PTPRN2: variants seen among roughly 807,000 people sequenced by gnomAD.
The protein encoded by PTPRN2 is receptor-type tyrosine-protein phosphatase N2.
Under a neutral mutation model 118.8 loss-of-function variants are expected in PTPRN2, and 74 were observed. The ratio of observed to expected loss-of-function variants is 0.62; its 90% CI spans 0.52 to 0.76. PTPRN2 has a LOEUF of 0.76. Ranked by LOEUF, PTPRN2 falls within the 30% of genes least tolerant of loss-of-function variation. The probability of loss-of-function intolerance (pLI) is 0.00; values close to 1 mark genes in which losing one functional copy is unlikely to be tolerated. For missense variants in PTPRN2, 1,481 were observed against 1,394.4 expected (o/e 1.06, Z -0.99); for synonymous variants, 641 against 608.0 (o/e 1.05, Z -0.80).
At chr7:158,494,597 C>G (rs1192023475) in intron 1 of PTPRN2, among the ~76,000 whole-genome samples, 2 of 152,234 alleles carry the variant, frequency 1.3e-5, no homozygotes, top group African/African-American at 4.8e-5. Flanking sequence ...ACTCACTAAT[C>G]ACCCTTCCTG....
intron 2 of PTPRN2, among the ~76,000 whole-genome samples, chr7:158,474,785 C>T (rs368525038): frequency 6.6e-6 from 1 of 152,164 alleles, no homozygotes; most frequent in Non-Finnish European, 1.5e-5. Flanking sequence ...CTGAGGGAGT[C>T]GGGAGTGGGG....
chr7:157,766,428 A>C (rs1298026536), intron 12 of PTPRN2, among the ~76,000 whole-genome samples: 2 of 151,170 alleles, frequency 1.3e-5, no homozygotes, highest in African/African-American at 4.9e-5. Flanking sequence ...CCATCCATCC[A>C]TCCATCCATG....
chr7:158,456,263 G>A (rs150666080), intron 2 of PTPRN2, among the ~76,000 whole-genome samples: 221 of 147,912 alleles, frequency 1.5e-3, no homozygotes, highest in African/African-American at 5.0e-3. Context: ...GGATGCCATC[G>A]GCCACGGCCC....
intron 2 of PTPRN2, among the ~76,000 whole-genome samples, chr7:158,397,600 G>A (rs1367733162): frequency 2.0e-5 from 3 of 152,122 alleles, no homozygotes; most frequent in Admixed American, 6.5e-5. Flanking sequence ...GCTGGGGGCC[G>A]AAATGTCATA....
At chr7:157,867,675 T>C (rs923455851) in intron 12 of PTPRN2, among the ~76,000 whole-genome samples, 2 of 152,118 alleles carry the variant, frequency 1.3e-5, no homozygotes, top group African/African-American at 4.8e-5. Context: ...GTGAACTAGA[T>C]TCACGTAAAT....
chr7:158,347,537 G>A (rs1182673391), intron 2 of PTPRN2, among the ~76,000 whole-genome samples: 1 of 152,160 alleles, frequency 6.6e-6, no homozygotes, highest in Admixed American at 6.5e-5. Context: ...CAGGTGGTGT[G>A]ATGCATCCAG....
intron 12 of PTPRN2, among the ~76,000 whole-genome samples, chr7:157,824,115 G>A (rs1247325914): frequency 6.6e-6 from 1 of 152,138 alleles, no homozygotes; most frequent in Non-Finnish European, 1.5e-5. Context: ...AGAGCACACG[G>A]CCCCAGAGCT....
intron 3 of PTPRN2, among the ~76,000 whole-genome samples, chr7:158,213,427 A>C (rs1447579877): frequency 1.3e-5 from 2 of 152,174 alleles, no homozygotes; most frequent in African/African-American, 4.8e-5. Context: ...AAATCTCAAA[A>C]GCCTAAATGG....
chr7:158,142,893 G>A (rs1471679743), intron 6 of PTPRN2, among the ~76,000 whole-genome samples: 1 of 152,172 alleles, frequency 6.6e-6, no homozygotes, highest in Non-Finnish European at 1.5e-5. Flanking sequence ...GTTTCACAGA[G>A]AAGATAAAAG....
intron 21 of PTPRN2, among the ~76,000 whole-genome samples, chr7:157,553,701 A>T (rs981149990): frequency 1.3e-5 from 2 of 152,190 alleles, no homozygotes; most frequent in African/African-American, 4.8e-5. Context: ...AGAGCGGAGG[A>T]AACGGAGTTA....
intron 11 of PTPRN2, among the ~76,000 whole-genome samples, chr7:157,978,738 T>C (rs1802926327): frequency 6.6e-6 from 1 of 152,014 alleles, no homozygotes; most frequent in African/African-American, 2.4e-5. Context: ...GCACACTTTC[T>C]GTTCCCTTCC....
chr7:157,874,007 T>C lies in PTPRN2; in HGVS notation c.1788+24666A>G, dbSNP rs1449664609. Among the ~76,000 whole-genome samples the C allele has an allele frequency of 6.6e-6, 1 of 152,152 alleles. No homozygotes were observed. The highest frequency in any genetic ancestry group is 2.4e-5 in the African/African-American group (1 of 41,434). On this transcript the variant is annotated intron_variant, in intron 12 of 22. Coordinates refer to ENST00000389418, the MANE Select transcript of PTPRN2 (RefSeq NM_002847.5). This position sits in a 1 kb window ranked among gnomAD's most constrained non-coding sequence, Gnocchi z 5.8. The stretch of plus-strand genomic sequence containing the variant: ...CAAAGTCCCAGGACCCTGAGCAGCC[T>C]CGGGAAGAGCTCTCGGGACCTCGGG...
intron 13 of PTPRN2, among the ~76,000 whole-genome samples, chr7:157,680,038 T>C (rs554417082): frequency 6.6e-6 from 1 of 152,324 alleles, no homozygotes; most frequent in Admixed American, 6.5e-5. Flanking sequence ...TTGTTTAAAG[T>C]GTAACTTCAT....
chr7:157,833,362 A>G (rs1036445865), intron 12 of PTPRN2, among the ~76,000 whole-genome samples: 1 of 147,848 alleles, frequency 6.8e-6, no homozygotes, highest in South Asian at 2.1e-4. Flanking sequence ...TCCATCCCAT[A>G]TGATGGTAAA....
chr7:158,250,626 TAA>T (rs767517652), intron 3 of PTPRN2, among the ~76,000 whole-genome samples: 8 of 152,170 alleles, frequency 5.3e-5, no homozygotes, highest in Admixed American at 1.3e-4. Context: ...ACGATTTTTA[TAA>T]GACAGGTATA....
rs1800621893 is a variant in PTPRN2, at chr7:157,585,388, G to C, written c.2497-7248C>G. On this transcript the variant is annotated intron_variant, in intron 17 of 22. Coordinates refer to ENST00000389418, the MANE Select transcript of PTPRN2 (RefSeq NM_002847.5). This position sits in a 1 kb window ranked among gnomAD's most constrained non-coding sequence, Gnocchi z 5.2. Reference sequence around the variant, plus strand: ...CCAAAGTCGGGTCTGTGTTCTCCGGGAAGGACTCAGCCTGCTTGTGTGCAA... The same window carrying C: ...CCAAAGTCGGGTCTGTGTTCTCCGGCAAGGACTCAGCCTGCTTGTGTGCAA... Among the ~76,000 whole-genome samples, 1 of 152,190 alleles carries C rather than the reference G, an allele frequency of 6.6e-6. No homozygotes were observed. The highest frequency in any genetic ancestry group is 6.5e-5 in the Admixed American group (1 of 15,282).
At chr7:157,913,830 C>G (rs563413643) in intron 11 of PTPRN2, among the ~76,000 whole-genome samples, 11 of 152,262 alleles carry the variant, frequency 7.2e-5, no homozygotes, top group African/African-American at 2.6e-4. Flanking sequence ...GTTTTGGTAT[C>G]AAGTTTATGC....
At chr7:158,217,966 T>C (rs1443711895) in intron 3 of PTPRN2, among the ~76,000 whole-genome samples, 3 of 152,134 alleles carry the variant, frequency 2.0e-5, no homozygotes, top group Admixed American at 6.5e-5. Context: ...AAACTATGAC[T>C]CACTGGCATT....
At chr7:158,375,440 C>T (rs1185153524) in intron 2 of PTPRN2, among the ~76,000 whole-genome samples, 2 of 152,216 alleles carry the variant, frequency 1.3e-5, no homozygotes, top group African/African-American at 4.8e-5. Context: ...TGTGGCCAAA[C>T]CCAGCCATCT....
Sources: gnomAD v4.1 joint callset for allele counts (sites outside exome capture counted in the v4.1 genomes callset) on GRCh38, gnomAD v4.1.1 for gene constraint, Gnocchi (gnomAD v3.1) non-coding constraint, MANE v1.5 for transcripts, NCBI Gene and HGNC (gene_info 2026-07-23, HGNC 2026-07-21) for gene names.